Variants in BMP6 observed in about 807,000 individuals in gnomAD.
The protein encoded by BMP6 is VG-1-R.
In BMP6, 17 loss-of-function variants were observed where a neutral mutation model predicts 54.1. That is an observed-to-expected ratio of 0.31 (90% CI 0.22 to 0.47). BMP6 has a LOEUF of 0.47. Ranked by LOEUF, BMP6 falls within the 20% of genes least tolerant of loss-of-function variation. The pLI, the probability that BMP6 is intolerant of heterozygous loss-of-function variation, is 1.00. For missense variants in BMP6, 720 were observed against 690.4 expected (o/e 1.04, Z -0.48); for synonymous variants, 328 against 291.2 (o/e 1.13, Z -1.28).
chr6:7,749,890 TAAG>T (rs779449601), intron 1 of BMP6, among the ~76,000 whole-genome samples: 1 of 152,258 alleles, frequency 6.6e-6, no homozygotes, highest in Non-Finnish European at 1.5e-5. Context: ...ATCCGCATTT[TAAG>T]AAGCATCCCA....
At position 7,762,295 on chromosome 6, in the gene BMP6, A is replaced by G. The variant is rs192004002; in HGVS notation, c.664+34676A>G. Among the ~76,000 whole-genome samples, 723 of 152,322 alleles carry G rather than the reference A, an allele frequency of 4.7e-3. 1 individual carries two copies. Among genetic ancestry groups the G allele is most frequent in the Middle Eastern group, 0.014 (4 of 294 alleles). ...AGTGGTCAAATGTCAATGCAGTGTT[A>G]TTATATGTCATTTTTCAAAGGACAC... On this transcript the variant is annotated intron_variant, in intron 1 of 6. Coordinates refer to ENST00000283147, the MANE Select transcript of BMP6 (RefSeq NM_001718.6).
intron 2 of BMP6, among the ~76,000 whole-genome samples, chr6:7,850,170 T>C (rs1363266214): frequency 6.6e-6 from 1 of 152,138 alleles, no homozygotes; most frequent in Non-Finnish European, 1.5e-5. Context: ...TGAGGCAGAG[T>C]CTCGCTCTGT....
chr6:7,815,329 C>T (rs1758508826), intron 1 of BMP6, among the ~76,000 whole-genome samples: 1 of 152,156 alleles, frequency 6.6e-6, no homozygotes, highest in African/African-American at 2.4e-5. Context: ...TGACTAAGAG[C>T]AAGAACTTCT....
intron 1 of BMP6, among the ~76,000 whole-genome samples, chr6:7,744,786 C>T (rs1461976915): frequency 1.3e-5 from 2 of 152,158 alleles, no homozygotes; most frequent in Non-Finnish European, 2.9e-5. Flanking sequence ...GGTTCCCTTC[C>T]TTTCTGGGAT....
intron 1 of BMP6, among the ~76,000 whole-genome samples, chr6:7,761,100 G>A (rs1757606011): frequency 6.6e-6 from 1 of 152,174 alleles, no homozygotes; most frequent in Non-Finnish European, 1.5e-5. Flanking sequence ...TCCTCTTCAA[G>A]ATTCAAGCTT....
At chr6:7,787,210 TG>T (rs1758032971) in intron 1 of BMP6, among the ~76,000 whole-genome samples, 1 of 151,970 alleles carries the variant, frequency 6.6e-6, no homozygotes, top group Admixed American at 6.6e-5. Context: ...TGGGAAAATG[TG>T]TTGATTTGTC....
intron 1 of BMP6, among the ~76,000 whole-genome samples, chr6:7,769,683 CAA>C (rs1757753327): frequency 6.6e-6 from 1 of 152,084 alleles, no homozygotes; most frequent in Non-Finnish European, 1.5e-5. Flanking sequence ...TTTAGAAAAA[CAA>C]TTCTTGTTAC....
At chr6:7,784,136 G>A (rs1484153726) in intron 1 of BMP6, among the ~76,000 whole-genome samples, 2 of 152,278 alleles carry the variant, frequency 1.3e-5, no homozygotes, top group South Asian at 2.1e-4. Context: ...ATATAGAAAT[G>A]TTAGATGCAT....
intron 1 of BMP6, among the ~76,000 whole-genome samples, chr6:7,737,572 C>T (rs140444901): frequency 2.6e-5 from 4 of 152,032 alleles, no homozygotes; most frequent in Admixed American, 1.3e-4. Context: ...GATGATCCCA[C>T]GTAGCTGCAG....
intron 2 of BMP6, among the ~76,000 whole-genome samples, chr6:7,850,776 A>G (rs1759129321): frequency 6.6e-6 from 1 of 152,240 alleles, no homozygotes; most frequent in Non-Finnish European, 1.5e-5. Flanking sequence ...GAGCTAAACT[A>G]CAGTAGGAGA....
At chr6:7,831,991 A>G (rs571575384) in intron 1 of BMP6, among the ~76,000 whole-genome samples, 7 of 152,216 alleles carry the variant, frequency 4.6e-5, no homozygotes, top group Non-Finnish European at 1.0e-4. Flanking sequence ...GAAGGTGAAC[A>G]TGACATGGAC....
intron 1 of BMP6, among the ~76,000 whole-genome samples, chr6:7,774,789 C>T (rs1204287829): frequency 6.6e-6 from 1 of 152,176 alleles, no homozygotes; most frequent in South Asian, 2.1e-4. Context: ...TGCCTTAGTT[C>T]TTTTTTGGTT....
chr6:7,814,337 A>G (rs1234553626), intron 1 of BMP6, among the ~76,000 whole-genome samples: 1 of 152,238 alleles, frequency 6.6e-6, no homozygotes, highest in Non-Finnish European at 1.5e-5. Flanking sequence ...AATTAGGGCA[A>G]GAAATCTTAG....
chr6:7,847,834 A>C (rs1759089081), intron 2 of BMP6, among the ~76,000 whole-genome samples: 1 of 152,224 alleles, frequency 6.6e-6, no homozygotes, highest in African/African-American at 2.4e-5. Context: ...TAAGTTTAAA[A>C]AGAAAAAAGG....
At chr6:7,766,627 A>T (rs911129852) in intron 1 of BMP6, among the ~76,000 whole-genome samples, 2 of 152,202 alleles carry the variant, frequency 1.3e-5, no homozygotes, top group African/African-American at 4.8e-5. Context: ...CATAAAAAAT[A>T]AAATAAATAA....
intron 1 of BMP6, among the ~76,000 whole-genome samples, chr6:7,776,416 T>G (rs946163778): frequency 1.3e-5 from 2 of 152,226 alleles, no homozygotes; most frequent in Non-Finnish European, 2.9e-5. Flanking sequence ...ATGTATAGCT[T>G]CTTTCATGGG....
At chr6:7,820,494 C>A (rs541746358) in intron 1 of BMP6, among the ~76,000 whole-genome samples, 1 of 152,192 alleles carries the variant, frequency 6.6e-6, no homozygotes, top group Non-Finnish European at 1.5e-5. Context: ...CTTCTGTCCC[C>A]ACCAAAGGGA....
rs556287365 is a variant in BMP6, at chr6:7,871,608, C to T, written c.1205-7466C>T. Among the ~76,000 whole-genome samples, 10 of 152,314 alleles carry T rather than the reference C, an allele frequency of 6.6e-5. No homozygotes were observed. In the South Asian group the frequency reaches 1.0e-3, roughly 16 times the overall value. ...CTTGAGGGGGAAAATTGCCTCTGGG[C>T]GGCTGGTGCCCCTGCCCTTGAGGGG... On this transcript the variant is annotated intron_variant, in intron 4 of 6. Transcript: ENST00000283147.
At chr6:7,835,333 C>T (rs542349088) in intron 1 of BMP6, among the ~76,000 whole-genome samples, 4 of 152,116 alleles carry the variant, frequency 2.6e-5, no homozygotes, top group East Asian at 1.9e-4. Flanking sequence ...AGGATGGTCT[C>T]GATCTCCTGA....
Sources: allele counts gnomAD v4.1 joint callset (sites outside exome capture counted in the v4.1 genomes callset), GRCh38; gene constraint gnomAD v4.1.1; transcripts MANE v1.5; gene names NCBI Gene and HGNC (gene_info 2026-07-23, HGNC 2026-07-21).